Variants in PRMT7 observed in about 807,000 individuals in gnomAD.
PRMT7 encodes protein arginine methyltransferase 7.
A neutral mutation model predicts 85.4 loss-of-function variants in PRMT7; 75 were observed. That is an observed-to-expected ratio of 0.88 (90% confidence interval 0.73 to 1.06). PRMT7 has a LOEUF of 1.06. Among genes scored for constraint, PRMT7 ranks in the 50% least tolerant of loss-of-function variants. PRMT7 has a pLI of 0.00. For missense variants in PRMT7, 868 were observed against 915.2 expected (o/e 0.95, Z 0.67); for synonymous variants, 397 against 359.5 (o/e 1.10, Z -1.18).
At chr16:68,313,254 G>A (rs2044197032) in intron 2 of PRMT7, among the ~76,000 whole-genome samples, 1 of 151,990 alleles carries the variant, frequency 6.6e-6, no homozygotes, top group Non-Finnish European at 1.5e-5. Context: ...AATGGGTAAC[G>A]TGCCAATGTA....
intron 11 of PRMT7, 84 bp from the exon 12 acceptor site, chr16:68,347,127 G>C: frequency 7.7e-7 from 1 of 1,291,404 alleles, no homozygotes; most frequent in Non-Finnish European, 1.1e-6. Context: ...GGAGTGAGAA[G>C]GGAAGTATTT....
chr16:68,347,598 A>G (rs2086612856), intron 12 of PRMT7, 33 bp from the exon 13 acceptor site: 7 of 1,600,126 alleles, frequency 4.4e-6, no homozygotes, highest in African/African-American at 1.3e-5. Context: ...TTAAGTGAAT[A>G]TCTTACAACT....
intron 5 of PRMT7, chr16:68,328,076 C>T (rs1441518025): frequency 8.4e-6 from 2 of 237,954 alleles, no homozygotes; most frequent in Admixed American, 4.7e-5. Flanking sequence ...TATTATTGTG[C>T]CTAATTTATA....
chr16:68,340,053 C>A, intron 9 of PRMT7, 85 bp downstream of exon 9: 1 of 1,353,880 alleles, frequency 7.4e-7, no homozygotes, highest in Non-Finnish European at 9.9e-7. Context: ...GCCTTGGACC[C>A]AGGAGAATTT....
intron 9 of PRMT7, among the ~76,000 whole-genome samples, chr16:68,340,235 T>C (rs2085304966): frequency 6.6e-6 from 1 of 152,144 alleles, no homozygotes; most frequent in Admixed American, 6.5e-5. Flanking sequence ...GCAGCCACCC[T>C]TAGATACCAC....
chr16:68,325,769 C>T (rs922755277), intron 5 of PRMT7, among the ~76,000 whole-genome samples: 3 of 151,822 alleles, frequency 2.0e-5, no homozygotes, highest in South Asian at 2.1e-4. Flanking sequence ...CCAGCCTGGG[C>T]GACAGAGTGA....
Position 68,336,377 on chromosome 16 carries a change from G to C in PRMT7, c.392-1082G>C, listed in dbSNP as rs1321879236. ...GTCCTAAAACAACTGTTATTTAAGA[G>C]ATTGTTTGGTGACAAGGCGCTTTCA... On this transcript the variant is annotated intron_variant, in intron 6 of 18. Transcript: ENST00000441236. Among the ~76,000 whole-genome samples, 4 of 151,990 alleles carry C rather than the reference G, an allele frequency of 2.6e-5. No homozygotes were observed. In the East Asian group the frequency reaches 7.7e-4, roughly 29 times the overall value.
At chr16:68,318,252 T>TGCAGTG (rs1337137373) in intron 3 of PRMT7, among the ~76,000 whole-genome samples, 1 of 150,832 alleles carries the variant, frequency 6.6e-6, no homozygotes, top group Non-Finnish European at 1.5e-5. Context: ...CAGGCTAAAG[T>TGCAGTG]GCAGTGGCAC....
chr16:68,345,801 A>G lies in PRMT7; in HGVS notation c.1054A>G (p.Ser352Gly). Residue 352 changes from serine (S) to glycine (G), a missense_variant and splice_region_variant, in exon 10 of 19, where the codon AGC becomes GGC. Ser to Gly is a moderately conservative substitution (Grantham distance 56, BLOSUM62 0). Transcript: ENST00000441236. ...CGTATGGTACAGCCTGCAGAGGACC[A>G]GGTACGTCGAGCCTCGTGGGGGTGG... Reference protein sequence around the residue: ...YCVWYSLQRTSPEKNERVRQM... With the variant: ...YCVWYSLQRTGPEKNERVRQM... The G allele has an allele frequency of 6.2e-7, 1 of 1,614,022 alleles. No individual in the cohort carries two copies. Among genetic ancestry groups the G allele is most frequent in the African/African-American group, 1.3e-5 (1 of 75,064 alleles).
At position 68,357,315 on chromosome 16, in the gene PRMT7, T is replaced by C; in HGVS notation, c.*91T>C. On this transcript the variant is annotated 3_prime_UTR_variant, in exon 19 of 19. Transcript: ENST00000441236. ...GAAGGCTGAAGGCCCTCCTCTCCTC[T>C]CTGGGAGCTGCTCGGCCTCAGGGAT... The C allele has an allele frequency of 2.2e-6, 3 of 1,361,824 alleles. No individual in the cohort carries two copies. The South Asian group carries it at 4.2e-5, about 19-fold the overall frequency. 84.4% of individuals were successfully genotyped at this position (1,361,824 alleles called of 1,614,324 possible).
intron 3 of PRMT7, 152 bp from the exon 4 acceptor site, chr16:68,321,274 A>C: frequency 1.7e-6 from 1 of 587,086 alleles, no homozygotes; most frequent in Non-Finnish European, 2.8e-6. Context: ...GTCTCAAAAA[A>C]AAAAAAATAA....
chr16:68,325,439 T>C (rs2082990994), intron 5 of PRMT7, among the ~76,000 whole-genome samples: 1 of 152,086 alleles, frequency 6.6e-6, no homozygotes, highest in South Asian at 2.1e-4. Context: ...TTTAAATACA[T>C]GCCCCCACAC....
intron 3 of PRMT7, among the ~76,000 whole-genome samples, chr16:68,320,591 A>G (rs1181371562): frequency 3.9e-5 from 6 of 152,202 alleles, no homozygotes; most frequent in African/African-American, 1.4e-4. Flanking sequence ...CCCTCATTCC[A>G]GTAAACCCAC....
chr16:68,315,784 T>C (rs1194867935), intron 2 of PRMT7, 113 bp from the exon 3 acceptor site: 6 of 587,870 alleles, frequency 1.0e-5, no homozygotes, highest in East Asian at 3.0e-5. Context: ...TTGATTTTTT[T>C]CCCCGCTTTT....
At chr16:68,343,137 G>A (rs2085793651) in intron 9 of PRMT7, among the ~76,000 whole-genome samples, 1 of 152,000 alleles carries the variant, frequency 6.6e-6, no homozygotes, top group Non-Finnish European at 1.5e-5. Flanking sequence ...CTGGGAGGTG[G>A]AGGTTGCAGT....
chr16:68,352,163 G>A, intron 14 of PRMT7, 85 bp from the exon 15 acceptor site: 1 of 1,412,160 alleles, frequency 7.1e-7, no homozygotes, highest in South Asian at 1.3e-5. Context: ...GAGTGACTGA[G>A]TGGCCTGTTG....
intron 9 of PRMT7, among the ~76,000 whole-genome samples, chr16:68,344,137 T>G (rs35245000): frequency 0.051 from 7,828 of 152,236 alleles, 236 homozygotes; most frequent in Middle Eastern, 0.15. Flanking sequence ...ATGGCTAATC[T>G]TGTGTTTTTT....
intron 2 of PRMT7, among the ~76,000 whole-genome samples, chr16:68,314,672 A>G (rs1325613118): frequency 6.6e-6 from 1 of 152,262 alleles, no homozygotes; most frequent in Non-Finnish European, 1.5e-5. Flanking sequence ...TTTCCTGAAG[A>G]TGCACCAATG....
At chr16:68,323,069 G>A (rs1240135053) in intron 4 of PRMT7, among the ~76,000 whole-genome samples, 1 of 151,910 alleles carries the variant, frequency 6.6e-6, no homozygotes, top group Non-Finnish European at 1.5e-5. Flanking sequence ...TAACATAAAC[G>A]GTCATACTGA....
Sources: gnomAD v4.1 joint callset for allele counts (sites outside exome capture counted in the v4.1 genomes callset) on GRCh38, gnomAD v4.1.1 for gene constraint, MANE v1.5 for transcripts, NCBI Gene and HGNC (gene_info 2026-07-23, HGNC 2026-07-21) for gene names.